Variants in DIAPH2 observed in about 807,000 individuals in gnomAD.
The protein encoded by DIAPH2 is protein diaphanous homolog 2.
A neutral mutation model predicts 92.7 loss-of-function variants in DIAPH2; 35 were observed. The observed-to-expected ratio is 0.38, with a 90% CI of 0.29 to 0.50. DIAPH2 has a LOEUF of 0.50. DIAPH2 is among the 20% of genes least tolerant of loss of function. The probability of loss-of-function intolerance (pLI) is 0.94; values close to 1 mark genes in which losing one functional copy is unlikely to be tolerated. For missense variants in DIAPH2, 701 were observed against 819.5 expected (o/e 0.86, Z 1.77); for synonymous variants, 301 against 280.4 (o/e 1.07, Z -0.73).
chrX:97,136,821 T>C (rs2067173277), intron 21 of DIAPH2, among the ~76,000 whole-genome samples: 1 of 111,089 alleles, frequency 9.0e-6, no homozygotes, highest in South Asian at 3.9e-4. Flanking sequence ...GACTAAATCC[T>C]GTTTTTCCTT....
intron 4 of DIAPH2, among the ~76,000 whole-genome samples, chrX:96,804,663 A>T (rs1393271049): frequency 5.4e-5 from 6 of 111,802 alleles, no homozygotes; most frequent in Non-Finnish European, 1.1e-4. Context: ...ATTTTGGAAA[A>T]TAGTGCAAAA....
At chrX:97,166,545 C>A (rs1333254302) in intron 22 of DIAPH2, among the ~76,000 whole-genome samples, 1 of 111,800 alleles carries the variant, frequency 8.9e-6, no homozygotes, top group Non-Finnish European at 1.9e-5. Flanking sequence ...TGACTCAGGT[C>A]TCTTCCCTCC....
At position 96,785,406 on chromosome X, in the gene DIAPH2, C is replaced by T. The variant is rs192366792; in HGVS notation, c.447+27148C>T. The stretch of plus-strand genomic sequence containing the variant: ...TTGCTGCATCCTCTGGAGGGTGCCA[C>T]GGACAATGCCATGTCCTCAACATGG... On this transcript the variant is annotated intron_variant, in intron 4 of 26. Coordinates refer to ENST00000324765, the MANE Select transcript of DIAPH2 (RefSeq NM_006729.5). 5.6e-5 allele frequency among the ~76,000 whole-genome samples: 6 copies of T among 106,384 alleles called. No homozygotes were observed. In the East Asian group the frequency reaches 8.9e-4, roughly 16 times the overall value. 92.4% of individuals were successfully genotyped at this position (106,384 alleles called of 115,157 possible). A position where few individuals can be genotyped will look rare whatever the true frequency, so the allele number is the denominator to read the frequency against.
intron 22 of DIAPH2, among the ~76,000 whole-genome samples, chrX:97,180,719 A>G (rs1012333320): frequency 8.9e-6 from 1 of 112,003 alleles, no homozygotes; most frequent in African/African-American, 3.3e-5. Flanking sequence ...AGTTTTCTGC[A>G]TATGGCTAGC....
chrX:97,370,415 A>G (rs2069436335), intron 24 of DIAPH2, among the ~76,000 whole-genome samples: 1 of 112,020 alleles, frequency 8.9e-6, no homozygotes, highest in Non-Finnish European at 1.9e-5. Flanking sequence ...GCATGCAGAC[A>G]AGAACATACA....
intron 26 of DIAPH2, among the ~76,000 whole-genome samples, chrX:97,591,014 G>A (rs1161741380): frequency 2.7e-5 from 3 of 111,997 alleles, no homozygotes; most frequent in African/African-American, 9.7e-5. Flanking sequence ...AGAAAATAAA[G>A]GTTAAATATG....
intron 22 of DIAPH2, among the ~76,000 whole-genome samples, chrX:97,160,234 A>T (rs2067358689): frequency 9.0e-6 from 1 of 111,594 alleles, no homozygotes; most frequent in African/African-American, 3.3e-5. Flanking sequence ...TTGATTCCCT[A>T]GTTTTGTTGA....
chrX:97,237,606 C>T (rs917150072), intron 22 of DIAPH2, among the ~76,000 whole-genome samples: 15 of 108,175 alleles, frequency 1.4e-4, no homozygotes, highest in African/African-American at 5.1e-4. Flanking sequence ...AGACAAGAGT[C>T]TCTCTCGCTC....
At chrX:96,914,771 T>G (rs1471199918) in intron 7 of DIAPH2, among the ~76,000 whole-genome samples, 1 of 111,283 alleles carries the variant, frequency 9.0e-6, no homozygotes, top group East Asian at 2.8e-4. Flanking sequence ...TATTCGAAAT[T>G]GATGTTTTTA....
chrX:97,284,535 G>C (rs960068903), intron 23 of DIAPH2, among the ~76,000 whole-genome samples: 1 of 108,802 alleles, frequency 9.2e-6, no homozygotes, highest in Non-Finnish European at 1.9e-5. Context: ...GCTTGAACCC[G>C]GGAGGCGGAG....
chrX:97,369,723 C>G (rs919164222), intron 24 of DIAPH2, among the ~76,000 whole-genome samples: 1 of 111,392 alleles, frequency 9.0e-6, no homozygotes, highest in Non-Finnish European at 1.9e-5. Flanking sequence ...AACAAATCAT[C>G]AAACAATCAC....
intron 26 of DIAPH2, among the ~76,000 whole-genome samples, chrX:97,595,696 G>A (rs752039414): frequency 2.8e-5 from 3 of 109,029 alleles, no homozygotes; most frequent in East Asian, 2.9e-4. Flanking sequence ...GCAATGGCAC[G>A]ATCTCTGCTC....
chrX:97,177,675 G>A (rs1294139173), intron 22 of DIAPH2, among the ~76,000 whole-genome samples: 13 of 95,083 alleles, frequency 1.4e-4, no homozygotes, highest in African/African-American at 5.1e-4. Context: ...TTTTTTCTAC[G>A]TCTCTTTTTT....
intron 4 of DIAPH2, among the ~76,000 whole-genome samples, chrX:96,815,327 C>T (rs2064723730): frequency 8.9e-6 from 1 of 112,071 alleles, no homozygotes; most frequent in Non-Finnish European, 1.9e-5. Flanking sequence ...GTGGGACCCA[C>T]CGAGCCAGGC....
intron 4 of DIAPH2, among the ~76,000 whole-genome samples, chrX:96,866,074 C>T (rs233205): frequency 0.1 from 11,071 of 111,209 alleles, 1,330 homozygotes; most frequent in African/African-American, 0.34. Flanking sequence ...TGTATCATAT[C>T]GAGGGAGTCA....
chrX:96,877,613 TACATTAAAAAATG>T (rs1178385443), intron 4 of DIAPH2, among the ~76,000 whole-genome samples: 1 of 111,996 alleles, frequency 8.9e-6, no homozygotes, highest in African/African-American at 3.2e-5. Flanking sequence ...AGTCTGTTTT[TACATTAAAAAATG>T]ACAGACCATG....
chrX:97,503,305 C>T (rs1305552121), intron 26 of DIAPH2, among the ~76,000 whole-genome samples: 2 of 112,068 alleles, frequency 1.8e-5, no homozygotes, highest in Non-Finnish European at 3.8e-5. Context: ...ATATTATGTA[C>T]TAAATAGATC....
intron 1 of DIAPH2, among the ~76,000 whole-genome samples, chrX:96,691,080 A>G (rs189581066): frequency 8.9e-6 from 1 of 112,116 alleles, no homozygotes; most frequent in Non-Finnish European, 1.9e-5. Context: ...AAGTGAAATC[A>G]TGTTCTTTTC....
intron 26 of DIAPH2, among the ~76,000 whole-genome samples, chrX:97,568,275 G>C (rs746580302): frequency 1.6e-4 from 18 of 110,655 alleles, no homozygotes; most frequent in Non-Finnish European, 3.2e-4. Flanking sequence ...AAAACCGTTT[G>C]AGGGTTTATT....
Sources: allele counts gnomAD v4.1 joint callset (sites outside exome capture counted in the v4.1 genomes callset), GRCh38; gene constraint gnomAD v4.1.1; transcripts MANE v1.5; gene names NCBI Gene and HGNC (gene_info 2026-07-23, HGNC 2026-07-21).